Variants in OVOL2 observed in about 807,000 individuals in gnomAD.
OVOL2 encodes transcription factor Ovo-like 2.
OVOL2 carries 13 observed loss-of-function variants against 18.1 expected under a neutral mutation model. That is an observed-to-expected ratio of 0.72 (90% CI 0.47 to 1.14). OVOL2 has a LOEUF of 1.14. Ranked by LOEUF, OVOL2 falls within the 50% of genes most tolerant of loss-of-function variation. The pLI, the probability that OVOL2 is intolerant of heterozygous loss-of-function variation, is 0.00. For missense variants in OVOL2, 335 were observed against 383.0 expected (o/e 0.87, Z 1.05); for synonymous variants, 166 against 162.7 (o/e 1.02, Z -0.16).
chr20:18,052,009 G>A (rs1162221741), intron 2 of OVOL2, among the ~76,000 whole-genome samples: 1 of 152,142 alleles, frequency 6.6e-6, no homozygotes, highest in Non-Finnish European at 1.5e-5. Context: ...CAAAGTGCTG[G>A]GATTACAGGC....
chr20:18,048,993 A>C (rs1306622702), intron 2 of OVOL2, among the ~76,000 whole-genome samples: 4 of 152,212 alleles, frequency 2.6e-5, no homozygotes, highest in African/African-American at 9.6e-5. Context: ...CAAAAGGCTT[A>C]TTAACGAGGT....
At position 18,057,763 on chromosome 20, in the gene OVOL2, C is replaced by T; in HGVS notation, c.-129G>A. The T allele has an allele frequency of 7.1e-7, 1 of 1,414,722 alleles. No homozygotes were observed. The highest frequency in any genetic ancestry group is 9.2e-7 in the Non-Finnish European group (1 of 1,092,404). The allele number at this position is 1,414,722 out of a possible 1,614,324, so 87.6% of individuals were successfully genotyped here. ...TTCCCGCCTCGCCTGCCCTCTTCCT[C>T]CACCCCCCGCCGCGGCGCGGCCCAG... On this transcript the variant is annotated 5_prime_UTR_variant, in exon 1 of 4. It introduces an in-frame stop codon into an upstream open reading frame of the 5' UTR. Transcript: ENST00000278780. This position sits in a 1 kb window ranked among gnomAD's most constrained non-coding sequence, Gnocchi z 6.3.
At chr20:18,053,071 A>G (rs1373774698) in intron 2 of OVOL2, among the ~76,000 whole-genome samples, 1 of 152,194 alleles carries the variant, frequency 6.6e-6, no homozygotes, top group Admixed American at 6.5e-5. Context: ...CCTGAGGCAC[A>G]CCGTCAAAAG....
intron 3 of OVOL2, among the ~76,000 whole-genome samples, chr20:18,036,137 T>C (rs950068118): frequency 2.7e-5 from 4 of 150,180 alleles, no homozygotes; most frequent in East Asian, 3.9e-4. Flanking sequence ...CTACTAAAAA[T>C]ACAAAATTAG....
intron 2 of OVOL2, among the ~76,000 whole-genome samples, chr20:18,043,022 T>C (rs2036688674): frequency 6.6e-6 from 1 of 152,186 alleles, no homozygotes; most frequent in Non-Finnish European, 1.5e-5. Flanking sequence ...TAAGACAGCA[T>C]GGCCATGGAC....
At chr20:18,054,613 A>G (rs147298844) in intron 2 of OVOL2, among the ~76,000 whole-genome samples, 62 of 151,820 alleles carry the variant, frequency 4.1e-4, no homozygotes, top group African/African-American at 1.5e-3. Flanking sequence ...ATGGTGGCGT[A>G]TGCCTGTAAT....
In OVOL2 at chr20:18,056,994, C is replaced by A; in HGVS notation, c.101-117G>T. 1 of 1,218,040 alleles carries A rather than the reference C, an allele frequency of 8.2e-7. No homozygotes were observed. The highest frequency in any genetic ancestry group is 1.1e-6 in the Non-Finnish European group (1 of 935,110). The allele number at this position is 1,218,040 out of a possible 1,614,324, so 75.5% of individuals were successfully genotyped here. ...CCCGCCCCGGACCTGGGCACCTCGC[C>A]AAGTGGGCAACGTCGCGGGGGAGGC... is the stretch of plus-strand genomic sequence containing the variant. On this transcript the variant is annotated intron_variant, in intron 1 of 3. Coordinates refer to ENST00000278780, the MANE Select transcript of OVOL2 (RefSeq NM_021220.4). The surrounding 1 kb of genome is among the most constrained non-coding windows in gnomAD (Gnocchi z 4.2).
At chr20:18,030,926 C>T (rs537142101) in intron 3 of OVOL2, among the ~76,000 whole-genome samples, 2 of 152,298 alleles carry the variant, frequency 1.3e-5, no homozygotes, top group African/African-American at 4.8e-5. Context: ...GGAACAAGCA[C>T]CTCCCTCCCA....
chr20:18,029,922 G>A (rs987011172), intron 3 of OVOL2, among the ~76,000 whole-genome samples: 25 of 152,322 alleles, frequency 1.6e-4, no homozygotes, highest in African/African-American at 5.5e-4. Context: ...CAAGGCTACA[G>A]TGAGCCATGA....
chr20:18,057,019 C>T lies in OVOL2; in HGVS notation c.101-142G>A, dbSNP rs1045310402. ...CAAGTGGGCAACGTCGCGGGGGAGG[C>T]CAGTAAGCCCCGAATCGGCCCACAG... On this transcript the variant is annotated intron_variant, in intron 1 of 3. Coordinates refer to ENST00000278780, the MANE Select transcript of OVOL2 (RefSeq NM_021220.4). The surrounding 1 kb of genome is among the most constrained non-coding windows in gnomAD (Gnocchi z 6.3). 1.2e-5 allele frequency: 11 copies of T among 942,090 alleles called. No homozygotes were observed. Among genetic ancestry groups the T allele is most frequent in the Non-Finnish European group, 1.5e-5 (10 of 686,174 alleles). 58.4% of individuals were successfully genotyped at this position (942,090 alleles called of 1,614,324 possible). A position where few individuals can be genotyped will look rare whatever the true frequency, so the allele number is the denominator to read the frequency against.
At chr20:18,032,770 G>A (rs1049570579) in intron 3 of OVOL2, among the ~76,000 whole-genome samples, 1 of 152,088 alleles carries the variant, frequency 6.6e-6, no homozygotes, top group Non-Finnish European at 1.5e-5. Flanking sequence ...GCCTCCCAAA[G>A]TGCGGGGATT....
chr20:18,054,766 CA>C (rs745367889), intron 2 of OVOL2, among the ~76,000 whole-genome samples: 910 of 63,442 alleles, frequency 0.014, 2 homozygotes, highest in Middle Eastern at 0.036. Context: ...AACTCCATCT[CA>C]AAAAAAAAAA....
At position 18,056,844 on chromosome 20, in the gene OVOL2, T is replaced by C; in HGVS notation, c.134A>G (p.Glu45Gly). 2 of 1,487,092 alleles carry C rather than the reference T, an allele frequency of 1.3e-6. No individual in the cohort carries two copies. The highest frequency in any genetic ancestry group is 8.9e-7 in the Non-Finnish European group (1 of 1,126,766). 92.1% of individuals were successfully genotyped at this position (1,487,092 alleles called of 1,614,324 possible). A position where few individuals can be genotyped will look rare whatever the true frequency, so the allele number is the denominator to read the frequency against. ...GLGRLLHDPP[E>G]DCRSDGGSSS... ...GCTGCCGCCGTCGCTGCGGCAGTCCTCGGGGGGGTCGTGGAGCAGGCGGCC... is the reference window on the plus strand; with the variant it reads ...GCTGCCGCCGTCGCTGCGGCAGTCCCCGGGGGGGTCGTGGAGCAGGCGGCC... The change falls in exon 2 of 4, where the codon GAG becomes GGG. Residue 45 changes from glutamate (E) to glycine (G), a missense_variant. Transcript: ENST00000278780. This position sits in a 1 kb window ranked among gnomAD's most constrained non-coding sequence, Gnocchi z 4.2.
intron 2 of OVOL2, among the ~76,000 whole-genome samples, chr20:18,051,524 C>A (rs1179462378): frequency 6.6e-6 from 1 of 152,094 alleles, no homozygotes; most frequent in African/African-American, 2.4e-5. Flanking sequence ...AGAGAGATAA[C>A]CAAATATTCA....
intron 2 of OVOL2, among the ~76,000 whole-genome samples, chr20:18,043,224 C>T (rs2036691365): frequency 6.6e-6 from 1 of 152,194 alleles, no homozygotes; most frequent in Non-Finnish European, 1.5e-5. Flanking sequence ...CCAAAGAGAG[C>T]CACACTCAAT....
intron 2 of OVOL2, among the ~76,000 whole-genome samples, chr20:18,051,395 C>G (rs1665960707): frequency 6.6e-6 from 1 of 151,986 alleles, no homozygotes; most frequent in South Asian, 2.1e-4. Flanking sequence ...CAAAGTGTAT[C>G]TCTATAGAAA....
rs901969701 is a variant in OVOL2 at position 18,038,298 on chromosome 20, C to T, written c.511+3236G>A. Among the ~76,000 whole-genome samples, 9 of 152,210 alleles carry T rather than the reference C, an allele frequency of 5.9e-5. No homozygotes were observed. In the South Asian group the frequency reaches 8.3e-4, roughly 14 times the overall value. On this transcript the variant is annotated intron_variant, in intron 3 of 3. Coordinates refer to ENST00000278780, the MANE Select transcript of OVOL2 (RefSeq NM_021220.4). ...TACTAATAATAGCTAATATTTACTACGCACTTACAATATAAGAAGCACTTT... is the reference window on the plus strand; with the variant it reads ...TACTAATAATAGCTAATATTTACTATGCACTTACAATATAAGAAGCACTTT...
chr20:18,030,574 A>G (rs984092682), intron 3 of OVOL2, among the ~76,000 whole-genome samples: 2 of 152,158 alleles, frequency 1.3e-5, no homozygotes, highest in South Asian at 2.1e-4. Flanking sequence ...AGCATCTTCT[A>G]TGAGCAGAGT....
At chr20:18,057,972 G>T (rs1600457130), upstream of OVOL2, 50 of 936,080 alleles carry the variant, frequency 5.3e-5, no homozygotes, top group Non-Finnish European at 6.7e-5. This position sits in a 1 kb window ranked among gnomAD's most constrained non-coding sequence, Gnocchi z 6.3. Flanking sequence ...CTACCTGTCC[G>T]ACCGGTTCCG....
Sources: allele counts gnomAD v4.1 joint callset (sites outside exome capture counted in the v4.1 genomes callset), GRCh38; gene constraint gnomAD v4.1.1; non-coding constraint Gnocchi (gnomAD v3.1); transcripts MANE v1.5; gene names NCBI Gene and HGNC (gene_info 2026-07-23, HGNC 2026-07-21).